The following MOCOS variants were observed in gnomAD, a reference collection of about 807,000 sequenced individuals.
MOCOS encodes human molybdenum cofactor sulfurase.
Under a neutral mutation model 83.6 loss-of-function variants are expected in MOCOS, and 86 were observed. The ratio of observed to expected loss-of-function variants is 1.03; its 90% CI spans 0.86 to 1.23. The LOEUF is 1.23. Among genes scored for constraint, MOCOS ranks in the 50% most tolerant of loss-of-function variants. The pLI, the probability that MOCOS is intolerant of heterozygous loss-of-function variation, is 0.00. For synonymous variants in MOCOS, 445 were observed against 434.7 expected (o/e 1.02, Z -0.29); for missense variants, 1,120 against 1,126.9 (o/e 0.99, Z 0.09).
chr18:36,190,419 C>G (rs1212353710), intron 1 of MOCOS: 1 of 152,020 alleles, frequency 6.6e-6, no homozygotes, highest in Non-Finnish European at 1.5e-5. Flanking sequence ...TTGCAGTTCT[C>G]GTGAGGGTGC....
chr18:36,243,524 T>G (rs1001854663), intron 9 of MOCOS, among the ~76,000 whole-genome samples: 1 of 152,196 alleles, frequency 6.6e-6, no homozygotes, highest in Non-Finnish European at 1.5e-5. Flanking sequence ...TAGGATTTTG[T>G]TGAGGATTTT....
intron 13 of MOCOS, among the ~76,000 whole-genome samples, chr18:36,265,178 T>C (rs906132806): frequency 2.7e-4 from 41 of 152,218 alleles, no homozygotes; most frequent in African/African-American, 9.4e-4. Context: ...ACTGCTGCAG[T>C]CCTGAAGAAT....
At chr18:36,191,412 G>A (rs528386591) in intron 1 of MOCOS, among the ~76,000 whole-genome samples, 1 of 152,314 alleles carries the variant, frequency 6.6e-6, no homozygotes, top group South Asian at 2.1e-4. Context: ...CATGTCTTGT[G>A]TATCTTTCCA....
intron 6 of MOCOS, among the ~76,000 whole-genome samples, chr18:36,213,130 G>A (rs1289604137): frequency 1.3e-5 from 2 of 152,170 alleles, no homozygotes; most frequent in African/African-American, 2.4e-5. Flanking sequence ...ATAACACTTC[G>A]CGGGGCCTGC....
chr18:36,206,720 T>C (rs1159585305), intron 6 of MOCOS, among the ~76,000 whole-genome samples: 1 of 152,212 alleles, frequency 6.6e-6, no homozygotes, highest in East Asian at 1.9e-4. Flanking sequence ...CTCCTAATTA[T>C]AAGTGGGAAC....
At chr18:36,246,763 G>A (rs1175579129) in intron 9 of MOCOS, among the ~76,000 whole-genome samples, 1 of 152,224 alleles carries the variant, frequency 6.6e-6, no homozygotes, top group Admixed American at 6.5e-5. Flanking sequence ...TCTCTTATGA[G>A]TTGCTGTAAT....
At chr18:36,239,713 A>G (rs1378407853) in intron 9 of MOCOS, among the ~76,000 whole-genome samples, 3 of 147,684 alleles carry the variant, frequency 2.0e-5, no homozygotes, top group Non-Finnish European at 4.5e-5. Context: ...TCTCCTGGAT[A>G]ATATCCTGCA....
At chr18:36,238,351 T>G (rs2144940247) in intron 9 of MOCOS, among the ~76,000 whole-genome samples, 1 of 151,336 alleles carries the variant, frequency 6.6e-6, no homozygotes, top group East Asian at 1.9e-4. Flanking sequence ...TCTCGTTGGT[T>G]TCAAAGAACA....
At chr18:36,244,002 T>C (rs1675679689) in intron 9 of MOCOS, among the ~76,000 whole-genome samples, 1 of 152,142 alleles carries the variant, frequency 6.6e-6, no homozygotes, top group Admixed American at 6.5e-5. Context: ...TTGAATCTTC[T>C]CTCTTCTTTT....
intron 10 of MOCOS, 23 bp downstream of exon 10, chr18:36,249,023 A>T: frequency 6.2e-7 from 1 of 1,604,824 alleles, no homozygotes; most frequent in South Asian, 1.1e-5. Context: ...AGCACGTGAA[A>T]ATCTCAGCTT....
At chr18:36,228,080 G>A (rs769246264) in intron 9 of MOCOS, among the ~76,000 whole-genome samples, 1 of 152,124 alleles carries the variant, frequency 6.6e-6, no homozygotes, top group Non-Finnish European at 1.5e-5. Context: ...ATGAAAAAAA[G>A]CTCAACATCA....
At chr18:36,246,679 G>A (rs570608131) in intron 9 of MOCOS, among the ~76,000 whole-genome samples, 29 of 152,318 alleles carry the variant, frequency 1.9e-4, no homozygotes, top group African/African-American at 6.3e-4. Flanking sequence ...GACAGACTCA[G>A]GACCTCTGGT....
At chr18:36,211,063 A>T (rs974524726) in intron 6 of MOCOS, among the ~76,000 whole-genome samples, 4 of 151,818 alleles carry the variant, frequency 2.6e-5, no homozygotes, top group African/African-American at 7.3e-5. Flanking sequence ...GTGTGAATGG[A>T]TTCTGTGGCT....
At chr18:36,259,597 G>A (rs1447249945) in intron 12 of MOCOS, among the ~76,000 whole-genome samples, 2 of 150,840 alleles carry the variant, frequency 1.3e-5, no homozygotes, top group Non-Finnish European at 3.0e-5. Flanking sequence ...GTGAAAAGAA[G>A]GGGGAAAAAA....
At chr18:36,206,883 C>A (rs2091436881) in intron 6 of MOCOS, among the ~76,000 whole-genome samples, 2 of 152,210 alleles carry the variant, frequency 1.3e-5, no homozygotes. Flanking sequence ...CAGTCTACCA[C>A]TGATGGGCAT....
Position 36,191,011 on chromosome 18 carries a change from C to T in MOCOS, c.142+3330C>T, listed in dbSNP as rs565470366. Among the ~76,000 whole-genome samples the T allele has an allele frequency of 4.4e-3, 268 of 61,324 alleles. 1 individual carries two copies. Among genetic ancestry groups the T allele is most frequent in the African/African-American group, 0.016 (258 of 16,066 alleles). The allele number at this position is 61,324 out of a possible 152,430, so 40.2% of individuals were successfully genotyped here. A position where few individuals can be genotyped will look rare whatever the true frequency, so the allele number is the denominator to read the frequency against. Reference sequence around the variant, plus strand: ...TCTAGCCTGGGTGGCAGAGCAAGACCCTATCTCTCAAAAAAAAAAAGAAAA... The same window carrying T: ...TCTAGCCTGGGTGGCAGAGCAAGACTCTATCTCTCAAAAAAAAAAAGAAAA... On this transcript the variant is annotated intron_variant, in intron 1 of 14. Transcript: ENST00000261326.
At chr18:36,190,770 CAAAACA>C (rs1037090434) in intron 1 of MOCOS, among the ~76,000 whole-genome samples, 1 of 151,630 alleles carries the variant, frequency 6.6e-6, no homozygotes, top group African/African-American at 2.4e-5. Context: ...AAAAACAAAA[CAAAACA>C]AAAAAACTTT....
chr18:36,269,693 A>G lies in MOCOS; in HGVS notation c.*1008A>G, dbSNP rs1371596254. 6.6e-6 allele frequency: 1 copy of G among 152,308 alleles called. No individual in the cohort carries two copies. Among genetic ancestry groups the G allele is most frequent in the Admixed American group, 6.5e-5 (1 of 15,282 alleles). 9.4% of individuals were successfully genotyped at this position (152,308 alleles called of 1,614,324 possible). On this transcript the variant is annotated 3_prime_UTR_variant, in exon 15 of 15. Coordinates refer to ENST00000261326, the MANE Select transcript of MOCOS (RefSeq NM_017947.4). ...AATGCAGAGTGAGTACATCCACTCCACATTCATTCTGCTGGCGTCCTTCTG... is the reference window on the plus strand; with the variant it reads ...AATGCAGAGTGAGTACATCCACTCCGCATTCATTCTGCTGGCGTCCTTCTG...
intron 9 of MOCOS, among the ~76,000 whole-genome samples, chr18:36,244,089 T>C (rs2091594134): frequency 6.6e-6 from 1 of 152,246 alleles, no homozygotes; most frequent in East Asian, 1.9e-4. Context: ...ATTTATCTTT[T>C]GTGTTGTTTT....
Sources: allele counts gnomAD v4.1 joint callset (sites outside exome capture counted in the v4.1 genomes callset), GRCh38; gene constraint gnomAD v4.1.1; transcripts MANE v1.5; gene names NCBI Gene and HGNC (gene_info 2026-07-23, HGNC 2026-07-21).